RYR2: variants seen among roughly 807,000 people sequenced by gnomAD.
The protein encoded by RYR2 is cardiac muscle ryanodine receptor-calcium release channel.
A neutral mutation model predicts 601.1 loss-of-function variants in RYR2; 227 were observed. That is an observed-to-expected ratio of 0.38 (90% CI 0.34 to 0.42). RYR2 has a LOEUF of 0.42. RYR2 is among the 10% of genes least tolerant of loss of function. The probability of loss-of-function intolerance (pLI) is 1.00; values close to 1 mark genes in which losing one functional copy is unlikely to be tolerated. For synonymous variants in RYR2, 2,223 were observed against 2,175.1 expected (o/e 1.02, Z -0.61); for missense variants, 4,646 against 6,156.5 (o/e 0.75, Z 8.21).
At chr1:237,316,603 C>A (rs1212057404) in intron 2 of RYR2, among the ~76,000 whole-genome samples, 1 of 152,152 alleles carries the variant, frequency 6.6e-6, no homozygotes, top group Non-Finnish European at 1.5e-5. Context: ...GATGGCAGCA[C>A]CATCTGTGCG....
intron 98 of RYR2, among the ~76,000 whole-genome samples, chr1:237,804,591 C>A (rs925283124): frequency 6.6e-6 from 1 of 152,050 alleles, no homozygotes; most frequent in African/African-American, 2.4e-5. Flanking sequence ...TGGCCCTCCC[C>A]CAAAAGTGTA....
chr1:237,115,879 G>T (rs1670024400), intron 1 of RYR2, among the ~76,000 whole-genome samples: 1 of 151,942 alleles, frequency 6.6e-6, no homozygotes, highest in South Asian at 2.1e-4. Context: ...TTAACAAATT[G>T]CCCTATTTGG....
At chr1:237,561,229 A>G (rs1424813612) in intron 27 of RYR2, among the ~76,000 whole-genome samples, 1 of 152,200 alleles carries the variant, frequency 6.6e-6, no homozygotes, top group African/African-American at 2.4e-5. Flanking sequence ...AGTTATGTGA[A>G]CAGTGAGCAA....
intron 1 of RYR2, among the ~76,000 whole-genome samples, chr1:237,222,658 C>A (rs1214760156): frequency 6.6e-6 from 1 of 152,134 alleles, no homozygotes; most frequent in East Asian, 1.9e-4. Context: ...ACGATACCTG[C>A]AACATAGACA....
chr1:237,499,726 G>A (rs1017618751), intron 20 of RYR2, among the ~76,000 whole-genome samples: 3 of 151,894 alleles, frequency 2.0e-5, no homozygotes, highest in African/African-American at 2.4e-5. Context: ...TATGTCCTTG[G>A]TAGAGATATT....
At chr1:237,324,663 A>C (rs1695974241) in intron 2 of RYR2, among the ~76,000 whole-genome samples, 1 of 151,990 alleles carries the variant, frequency 6.6e-6, no homozygotes, top group South Asian at 2.1e-4. Flanking sequence ...TCGGATAAGT[A>C]TTTTTCCACT....
chr1:237,697,776 T>C (rs1443218525), intron 63 of RYR2, among the ~76,000 whole-genome samples: 1 of 151,976 alleles, frequency 6.6e-6, no homozygotes, highest in African/African-American at 2.4e-5. Context: ...GCCCCAGAGC[T>C]GGCATCTGCC....
At chr1:237,611,035 T>TA in intron 36 of RYR2, 47 bp downstream of exon 36, 1 of 1,537,848 alleles carries the variant, frequency 6.5e-7, no homozygotes, top group Admixed American at 1.9e-5. Context: ...CGCTTGGGAT[T>TA]AGCCTGCTGC....
chr1:237,220,873 G>A (rs1683726628), intron 1 of RYR2, among the ~76,000 whole-genome samples: 1 of 152,072 alleles, frequency 6.6e-6, no homozygotes, highest in South Asian at 2.1e-4. Flanking sequence ...CAGATCACTT[G>A]AGGTCAGGAA....
chr1:237,766,537 T>G (rs1298645175), intron 84 of RYR2, among the ~76,000 whole-genome samples: 2 of 152,206 alleles, frequency 1.3e-5, no homozygotes, highest in African/African-American at 4.8e-5. Context: ...ATAATTGGAA[T>G]GGTGCTTTTG....
Position 237,674,245 on chromosome 1 carries a change from A to G in RYR2, c.8714+26A>G, listed in dbSNP as rs771343422. The stretch of plus-strand genomic sequence containing the variant: ...GTAAAAGTACACATACCCTAAGTAC[A>G]CACTCTTTTCACAAGAGTGAATATT... On this transcript the variant is annotated intron_variant, in intron 59 of 104. Transcript: ENST00000366574. 111 of 1,568,572 alleles carry G rather than the reference A, an allele frequency of 7.1e-5. 1 individual carries two copies. In the East Asian group the frequency reaches 2.0e-3, roughly 28 times the overall value.
intron 1 of RYR2, among the ~76,000 whole-genome samples, chr1:237,109,716 C>G (rs1000189516): frequency 2.4e-4 from 10 of 42,222 alleles, no homozygotes; most frequent in African/African-American, 4.6e-4. Flanking sequence ...AGCGAGACTC[C>G]GTCTCAAAAA....
intron 10 of RYR2, among the ~76,000 whole-genome samples, chr1:237,412,907 G>C (rs1397991687): frequency 6.6e-6 from 1 of 152,062 alleles, no homozygotes; most frequent in Non-Finnish European, 1.5e-5. Context: ...TTGGTCTTTA[G>C]AACAATTGTC....
At chr1:237,534,337 A>G (rs190296682) in intron 25 of RYR2, among the ~76,000 whole-genome samples, 298 of 152,196 alleles carry the variant, frequency 2.0e-3, no homozygotes, top group African/African-American at 6.8e-3. Context: ...ATACTAGTAG[A>G]TTTTCAAAAA....
intron 1 of RYR2, among the ~76,000 whole-genome samples, chr1:237,222,793 C>T (rs912785059): frequency 3.9e-5 from 6 of 151,990 alleles, no homozygotes; most frequent in South Asian, 2.1e-4. Flanking sequence ...TGGCTGGGCG[C>T]GGTGGCTTAT....
At chr1:237,762,869 A>G (rs1693539277) in intron 84 of RYR2, among the ~76,000 whole-genome samples, 2 of 152,184 alleles carry the variant, frequency 1.3e-5, no homozygotes, top group African/African-American at 2.4e-5. Context: ...CGACTACTGT[A>G]AATGTACTAC....
intron 1 of RYR2, among the ~76,000 whole-genome samples, chr1:237,124,906 C>G (rs1278664182): frequency 6.6e-6 from 1 of 152,126 alleles, no homozygotes; most frequent in African/African-American, 2.4e-5. Context: ...TGACTTATGA[C>G]AATGACTGCT....
At chr1:237,783,239 A>AAATT (rs1477311761) in intron 89 of RYR2, among the ~76,000 whole-genome samples, 2 of 152,194 alleles carry the variant, frequency 1.3e-5, no homozygotes, top group Non-Finnish European at 2.9e-5. Flanking sequence ...CTCATCGGTA[A>AAATT]AATTAGGGTT....
At chr1:237,800,939 A>G (rs920112477) in intron 97 of RYR2, among the ~76,000 whole-genome samples, 5 of 152,200 alleles carry the variant, frequency 3.3e-5, no homozygotes, top group Admixed American at 6.5e-5. Flanking sequence ...GAAAATAATA[A>G]TAAAAGGAAT....
Sources: allele counts gnomAD v4.1 joint callset (sites outside exome capture counted in the v4.1 genomes callset), GRCh38; gene constraint gnomAD v4.1.1; transcripts MANE v1.5; gene names NCBI Gene and HGNC (gene_info 2026-07-23, HGNC 2026-07-21).